XYLT1: variants seen among roughly 807,000 people sequenced by gnomAD.
The protein encoded by XYLT1 is beta-D-xylosyltransferase 1.
XYLT1 carries 36 observed loss-of-function variants against 91.3 expected under a neutral mutation model. That is an observed-to-expected ratio of 0.39 (90% confidence interval 0.30 to 0.52). The LOEUF is 0.52. Ranked by LOEUF, XYLT1 falls within the 20% of genes least tolerant of loss-of-function variation. The pLI, the probability that XYLT1 is intolerant of heterozygous loss-of-function variation, is 0.68. For synonymous variants in XYLT1, 588 were observed against 532.0 expected, an observed-to-expected ratio of 1.11 and a Z score of -1.45; for missense variants, 1,242 against 1,284.5, an observed-to-expected ratio of 0.97 and a Z score of 0.51.
intron 1 of XYLT1, among the ~76,000 whole-genome samples, chr16:17,469,003 C>A (rs999252014): frequency 3.3e-5 from 5 of 152,312 alleles, no homozygotes; most frequent in Non-Finnish European, 7.3e-5. Flanking sequence ...TAGGAATGTT[C>A]TGGTTCTCCG....
rs1221127991 is a variant in XYLT1, at chr16:17,320,566, G to A, written c.402+37446C>T. ...GCGATATCGGCTCACTGCAACCTCC[G>A]CCTCCTGGGTTCAAGCGATTCTCCT... On this transcript the variant is annotated intron_variant, in intron 2 of 11. Coordinates refer to ENST00000261381, the MANE Select transcript of XYLT1 (RefSeq NM_022166.4). Among the ~76,000 whole-genome samples the A allele has an allele frequency of 2.8e-5, 4 of 144,546 alleles. No individual in the cohort carries two copies. The East Asian group carries it at 6.3e-4, about 23-fold the overall frequency. The allele number at this position is 144,546 out of a possible 152,430, so 94.8% of individuals were successfully genotyped here.
intron 3 of XYLT1, among the ~76,000 whole-genome samples, chr16:17,236,204 C>T (rs11866056): frequency 0.11 from 16,490 of 152,156 alleles, 971 homozygotes; most frequent in Non-Finnish European, 0.12. Flanking sequence ...TAAATACAAG[C>T]ATCTGATTTT....
At chr16:17,354,590 C>A (rs1171045530) in intron 2 of XYLT1, 1 of 152,232 alleles carries the variant, frequency 6.6e-6, no homozygotes, top group Admixed American at 6.5e-5. Flanking sequence ...GCAGGCTAAC[C>A]TGTGACAGCT....
chr16:17,383,023 G>A (rs921224436), intron 1 of XYLT1, among the ~76,000 whole-genome samples: 3 of 151,764 alleles, frequency 2.0e-5, no homozygotes, highest in Admixed American at 6.6e-5. Flanking sequence ...ACACCATGCC[G>A]CCTGTCCTGA....
At chr16:17,363,503 T>G (rs2035409926) in intron 1 of XYLT1, among the ~76,000 whole-genome samples, 1 of 152,180 alleles carries the variant, frequency 6.6e-6, no homozygotes, top group Non-Finnish European at 1.5e-5. Context: ...CAGCCTTTTC[T>G]CTATGCATCC....
chr16:17,396,275 C>T (rs542062962), intron 1 of XYLT1, among the ~76,000 whole-genome samples: 4 of 152,296 alleles, frequency 2.6e-5, no homozygotes, highest in East Asian at 1.9e-4. Context: ...ACAGAGATGA[C>T]GTGAAATACC....
chr16:17,285,320 G>C (rs2034118395), intron 2 of XYLT1, among the ~76,000 whole-genome samples: 1 of 152,218 alleles, frequency 6.6e-6, no homozygotes, highest in East Asian at 1.9e-4. Context: ...AATGAGTCTG[G>C]TAAACCAGGA....
intron 7 of XYLT1, among the ~76,000 whole-genome samples, chr16:17,140,550 A>C (rs1165460851): frequency 2.7e-5 from 4 of 150,876 alleles, no homozygotes; most frequent in Admixed American, 1.3e-4. Context: ...AATCCCAGCT[A>C]CTCAGGAGGC....
intron 1 of XYLT1, among the ~76,000 whole-genome samples, chr16:17,463,619 G>A (rs1436069970): frequency 3.3e-5 from 5 of 152,222 alleles, no homozygotes; most frequent in African/African-American, 4.8e-5. Context: ...TACACTGTTG[G>A]TGGGAATGTA....
chr16:17,252,345 C>T (rs2033555005), intron 3 of XYLT1, among the ~76,000 whole-genome samples: 1 of 152,130 alleles, frequency 6.6e-6, no homozygotes, highest in Non-Finnish European at 1.5e-5. Flanking sequence ...CCCCATTGCC[C>T]AAGCTGTCCT....
At position 17,343,704 on chromosome 16, in the gene XYLT1, G is replaced by A. The variant is rs189684618; in HGVS notation, c.402+14308C>T. Among the ~76,000 whole-genome samples, 153 of 152,252 alleles carry A rather than the reference G, an allele frequency of 1.0e-3. 1 individual carries two copies. The highest frequency in any genetic ancestry group is 3.3e-3 in the African/African-American group (138 of 41,542). On this transcript the variant is annotated intron_variant, in intron 2 of 11. Coordinates refer to ENST00000261381, the MANE Select transcript of XYLT1 (RefSeq NM_022166.4). ...GGCTAGTCTCAAACTCCTGGCCTCA[G>A]GCAATCCTTCCACCTTGGCTTCCCA...
chr16:17,194,830 G>T (rs765988706), intron 5 of XYLT1, among the ~76,000 whole-genome samples: 4 of 152,202 alleles, frequency 2.6e-5, no homozygotes, highest in Non-Finnish European at 4.4e-5. Context: ...CAGGTTTGTT[G>T]TAAGGGTTGA....
intron 3 of XYLT1, among the ~76,000 whole-genome samples, chr16:17,216,102 C>G (rs943160218): frequency 6.6e-6 from 1 of 152,178 alleles, no homozygotes; most frequent in Non-Finnish European, 1.5e-5. Context: ...TACTCCCTGC[C>G]CTCTTGACCC....
intron 1 of XYLT1, among the ~76,000 whole-genome samples, chr16:17,461,084 C>G (rs1318879215): frequency 6.6e-6 from 1 of 152,222 alleles, no homozygotes; most frequent in South Asian, 2.1e-4. Context: ...CATCACACGA[C>G]CTGCCTCCCA....
chr16:17,294,191 G>C (rs1192618441), intron 2 of XYLT1, among the ~76,000 whole-genome samples: 1 of 152,104 alleles, frequency 6.6e-6, no homozygotes, highest in Non-Finnish European at 1.5e-5. Flanking sequence ...CTCTGCTTAG[G>C]GCTTTCTGAC....
intron 2 of XYLT1, among the ~76,000 whole-genome samples, chr16:17,310,514 C>A (rs9929287): frequency 0.11 from 17,048 of 152,176 alleles, 1,058 homozygotes; most frequent in South Asian, 0.18. Flanking sequence ...CCTCCTCCTA[C>A]TCAGGGTCAG....
intron 3 of XYLT1, among the ~76,000 whole-genome samples, chr16:17,240,054 T>C (rs958542357): frequency 6.6e-6 from 1 of 152,190 alleles, no homozygotes; most frequent in Admixed American, 6.5e-5. Context: ...CTAAACAAAC[T>C]ACACAAATAC....
intron 5 of XYLT1, among the ~76,000 whole-genome samples, chr16:17,175,645 G>A (rs2031926651): frequency 6.6e-6 from 1 of 152,134 alleles, no homozygotes; most frequent in Non-Finnish European, 1.5e-5. Flanking sequence ...TGGAAAATGG[G>A]AACAGACTAG....
intron 11 of XYLT1, among the ~76,000 whole-genome samples, chr16:17,112,555 C>T (rs1471050778): frequency 6.6e-6 from 1 of 152,064 alleles, no homozygotes; most frequent in African/African-American, 2.4e-5. Flanking sequence ...AACAGGTGTA[C>T]CTGAAGCAGC....
Sources: gnomAD v4.1 joint callset for allele counts (sites outside exome capture counted in the v4.1 genomes callset) on GRCh38, gnomAD v4.1.1 for gene constraint, MANE v1.5 for transcripts, NCBI Gene and HGNC (gene_info 2026-07-23, HGNC 2026-07-21) for gene names.